The following GPC6 variants were observed in gnomAD, a reference collection of about 807,000 sequenced individuals.
The protein encoded by GPC6 is glypican 6, also known as glypican-6.
A neutral mutation model predicts 55.2 loss-of-function variants in GPC6; 14 were observed. The observed-to-expected ratio is 0.25, with a 90% confidence interval of 0.17 to 0.40. The LOEUF (loss-of-function observed/expected upper bound fraction) is 0.40. Among genes scored for constraint, GPC6 ranks in the 10% least tolerant of loss-of-function variants. The pLI, the probability that GPC6 is intolerant of heterozygous loss-of-function variation, is 1.00. For synonymous variants in GPC6, 278 were observed against 259.6 expected (o/e 1.07, Z -0.68); for missense variants, 641 against 708.5 (o/e 0.90, Z 1.08).
chr13:93,343,068 T>C (rs1880313590), intron 1 of GPC6, among the ~76,000 whole-genome samples: 1 of 152,140 alleles, frequency 6.6e-6, no homozygotes, highest in African/African-American at 2.4e-5. Flanking sequence ...GCACTAAATA[T>C]ATAAATAAAT....
At chr13:93,285,441 T>C (rs1216363489) in intron 1 of GPC6, among the ~76,000 whole-genome samples, 1 of 152,136 alleles carries the variant, frequency 6.6e-6, no homozygotes, top group Non-Finnish European at 1.5e-5. Context: ...AGCCAAGCAA[T>C]GATGTCTGTG....
chr13:93,522,173 C>T (rs142860781), intron 1 of GPC6, among the ~76,000 whole-genome samples: 7 of 151,944 alleles, frequency 4.6e-5, no homozygotes, highest in East Asian at 1.9e-4. Flanking sequence ...GGGGTCTCTG[C>T]GCCTGTCATT....
At chr13:93,553,042 G>GT (rs1378674436) in intron 2 of GPC6, among the ~76,000 whole-genome samples, 2 of 152,114 alleles carry the variant, frequency 1.3e-5, no homozygotes, top group Non-Finnish European at 2.9e-5. Context: ...CAGTAGACTG[G>GT]TTCAACTGCA....
rs977394453 is a variant in GPC6, at chr13:93,391,182, A to G, written c.161-154081A>G. Among the ~76,000 whole-genome samples, 82 of 152,022 alleles carry G rather than the reference A, an allele frequency of 5.4e-4. 1 individual carries two copies. The highest frequency in any genetic ancestry group is 1.5e-4 in the Non-Finnish European group (10 of 68,018). On this transcript the variant is annotated intron_variant, in intron 1 of 8. Coordinates refer to ENST00000377047, the MANE Select transcript of GPC6 (RefSeq NM_005708.5). ...ATATACTGCCATTTAAATTAGGAGC[A>G]GTGTAATTTAGAGCCATAGGGAATA...
At chr13:93,368,337 TTTCCTTCCTTCCTTCCTTCCTTCCTTCC>T (rs768601581) in intron 1 of GPC6, among the ~76,000 whole-genome samples, 3 of 92,534 alleles carry the variant, frequency 3.2e-5, no homozygotes, top group East Asian at 3.2e-4. Flanking sequence ...CCCTCCCTGC[TTTCCTTCCTTCCTTCCTTCCTTCCTTCC>T]TTCCTTCCTT....
intron 4 of GPC6, among the ~76,000 whole-genome samples, chr13:94,108,537 A>C (rs949900066): frequency 6.6e-6 from 1 of 152,122 alleles, no homozygotes; most frequent in East Asian, 1.9e-4. Context: ...GGAAATAAGA[A>C]ATTTTTAAAA....
chr13:94,156,463 T>C (rs1887945029), intron 4 of GPC6, among the ~76,000 whole-genome samples: 2 of 152,174 alleles, frequency 1.3e-5, no homozygotes, highest in African/African-American at 4.8e-5. Context: ...ATGCCAAACA[T>C]GTGATCCAAC....
chr13:93,979,291 G>GTGTGTC, intron 3 of GPC6, among the ~76,000 whole-genome samples: 1 of 102,302 alleles, frequency 9.8e-6, no homozygotes, highest in African/African-American at 3.7e-5. Context: ...TTGTGTGTGT[G>GTGTGTC]TGTGTGTGTG....
At chr13:94,046,179 A>G (rs966656851) in intron 4 of GPC6, among the ~76,000 whole-genome samples, 3 of 152,064 alleles carry the variant, frequency 2.0e-5, no homozygotes, top group African/African-American at 7.2e-5. Context: ...AGCAATAACC[A>G]TGAACTTGCT....
At chr13:94,002,051 C>A (rs1306874177) in intron 3 of GPC6, among the ~76,000 whole-genome samples, 1 of 151,828 alleles carries the variant, frequency 6.6e-6, no homozygotes, top group Non-Finnish European at 1.5e-5. Flanking sequence ...GATAGGGGCC[C>A]TATCTTATTG....
intron 4 of GPC6, among the ~76,000 whole-genome samples, chr13:94,070,537 A>G (rs1208170610): frequency 6.6e-6 from 1 of 152,230 alleles, no homozygotes; most frequent in African/African-American, 2.4e-5. Flanking sequence ...TCTGGGAACT[A>G]TGCTACGTGA....
At chr13:93,911,554 G>A (rs1157843498) in intron 3 of GPC6, among the ~76,000 whole-genome samples, 1 of 152,176 alleles carries the variant, frequency 6.6e-6, no homozygotes, top group African/African-American at 2.4e-5. Context: ...AGCACTGCAT[G>A]GCAGTGTTGG....
At chr13:93,639,105 G>T (rs2139582699) in intron 2 of GPC6, among the ~76,000 whole-genome samples, 1 of 152,092 alleles carries the variant, frequency 6.6e-6, no homozygotes, top group African/African-American at 2.4e-5. Context: ...AAAAAAGTTT[G>T]TCACGTAATA....
intron 8 of GPC6, among the ~76,000 whole-genome samples, chr13:94,402,088 G>T (rs1319164798): frequency 3.3e-5 from 5 of 152,182 alleles, no homozygotes; most frequent in Non-Finnish European, 5.9e-5. Flanking sequence ...TGGTTTAAAG[G>T]GACAAGCTGG....
At chr13:93,651,452 A>G (rs949116686) in intron 2 of GPC6, among the ~76,000 whole-genome samples, 5 of 152,172 alleles carry the variant, frequency 3.3e-5, no homozygotes, top group African/African-American at 1.2e-4. Context: ...AACCACAACC[A>G]GCGACTTACA....
intron 2 of GPC6, among the ~76,000 whole-genome samples, chr13:93,588,723 C>T (rs1047034345): frequency 1.3e-5 from 2 of 152,124 alleles, no homozygotes; most frequent in African/African-American, 4.8e-5. Flanking sequence ...ATTTCATGGG[C>T]ACTCACTATC....
chr13:93,845,121 G>A (rs569606139), intron 3 of GPC6, among the ~76,000 whole-genome samples: 11 of 152,050 alleles, frequency 7.2e-5, no homozygotes, highest in South Asian at 4.1e-4. Context: ...TTGACTTGGC[G>A]ATGCGGGCTC....
In GPC6 at chr13:93,385,354, G is replaced by T. The variant is rs540959597; in HGVS notation, c.160+157738G>T. 9.8e-5 allele frequency among the ~76,000 whole-genome samples: 15 copies of T among 152,376 alleles called. No individual in the cohort carries two copies. The South Asian group carries it at 3.1e-3, about 32-fold the overall frequency. ...CCGCCTTTCATAAGCCGGGGCAAGT[G>T]CTTTGGAGTTTGCACAAAAGTAATG... On this transcript the variant is annotated intron_variant, in intron 1 of 8. Transcript: ENST00000377047.
intron 3 of GPC6, among the ~76,000 whole-genome samples, chr13:93,962,274 TC>T (rs112769866): frequency 0.022 from 3,323 of 152,282 alleles, 98 homozygotes; most frequent in East Asian, 0.12. Context: ...AGTAATGGCA[TC>T]TTTTTAACCC....
Sources: allele counts gnomAD v4.1 joint callset (sites outside exome capture counted in the v4.1 genomes callset), GRCh38; gene constraint gnomAD v4.1.1; transcripts MANE v1.5; gene names NCBI Gene and HGNC (gene_info 2026-07-23, HGNC 2026-07-21).